Variants in COPS4 observed in about 807,000 individuals in gnomAD.
COPS4 encodes COP9 signalosome complex subunit 4.
Under a neutral mutation model 55.1 loss-of-function variants are expected in COPS4, and 8 were observed. The ratio of observed to expected loss-of-function variants is 0.15; its 90% CI spans 0.09 to 0.26. COPS4 has a LOEUF of 0.26. Ranked by LOEUF, COPS4 falls within the 10% of genes least tolerant of loss-of-function variation. The probability of loss-of-function intolerance (pLI) is 1.00; values close to 1 mark genes in which losing one functional copy is unlikely to be tolerated. For synonymous variants in COPS4, 185 were observed against 165.7 expected (o/e 1.12, Z -0.90); for missense variants, 248 against 484.0 (o/e 0.51, Z 4.58).
intron 1 of COPS4, among the ~76,000 whole-genome samples, chr4:83,042,149 G>A (rs890729803): frequency 2.0e-5 from 3 of 152,192 alleles, no homozygotes; most frequent in Non-Finnish European, 4.4e-5. Context: ...ACAGGCGTGA[G>A]CCACCGCACC....
chr4:83,072,517 T>C (rs1256969966), intron 9 of COPS4, among the ~76,000 whole-genome samples: 4 of 152,254 alleles, frequency 2.6e-5, no homozygotes, highest in Non-Finnish European at 5.9e-5. Context: ...ATTTCCTGTA[T>C]TGATTAGGAA....
chr4:83,070,654 C>G (rs1446931760), intron 9 of COPS4, among the ~76,000 whole-genome samples: 1 of 152,152 alleles, frequency 6.6e-6, no homozygotes, highest in Non-Finnish European at 1.5e-5. Flanking sequence ...CTGAACCCTA[C>G]TATTATAACC....
At chr4:83,054,028 G>A (rs1478232935) in intron 4 of COPS4, among the ~76,000 whole-genome samples, 4 of 151,938 alleles carry the variant, frequency 2.6e-5, no homozygotes, top group African/African-American at 4.8e-5. Flanking sequence ...AGTATAAAAC[G>A]GTACCAACTG....
Position 83,066,515 on chromosome 4 carries a change from G to A in COPS4, c.964G>A (p.Glu322Lys), listed in dbSNP as rs141885793. 10 of 1,596,610 alleles carry A rather than the reference G, an allele frequency of 6.3e-6. No homozygotes were observed. The highest frequency in any genetic ancestry group is 1.2e-5 in the South Asian group (1 of 86,622). ...CAAATTATATAATAATATTACCTTC[G>A]AAGAACTTGGAGCTCTTTTAGAGAT... is the stretch of plus-strand genomic sequence containing the variant. ...ASKLYNNITFEELGALLEIPA... is the reference protein window; with the variant it reads ...ASKLYNNITFKELGALLEIPA... The change falls in exon 8 of 10, where the codon GAA (glutamate) becomes AAA (lysine). Residue 322 changes from glutamate (E) to lysine (K), a missense_variant. Glu to Lys is a moderately conservative substitution (Grantham distance 56). Coordinates refer to ENST00000264389, the MANE Select transcript of COPS4 (RefSeq NM_016129.3).
chr4:83,058,160 T>C lies in COPS4; in HGVS notation c.715+752T>C, dbSNP rs187996483. Among the ~76,000 whole-genome samples, 165 of 152,266 alleles carry C rather than the reference T, an allele frequency of 1.1e-3. 1 individual carries two copies. Among genetic ancestry groups the C allele is most frequent in the African/African-American group, 3.8e-3 (158 of 41,560 alleles). ...CGTGTAACAAATATTGTTTGTTCTT[T>C]TTACTGAATTTTAGCATGTAAATCA... is the stretch of plus-strand genomic sequence containing the variant. On this transcript the variant is annotated intron_variant, in intron 6 of 9. Transcript: ENST00000264389.
At chr4:83,073,120 CTCTG>C (rs1304807076) in intron 9 of COPS4, 19 of 519,352 alleles carry the variant, frequency 3.7e-5, no homozygotes, top group Non-Finnish European at 5.9e-5. Flanking sequence ...CAACCTCTAT[CTCTG>C]TCTAGTTTCA....
At chr4:83,054,445 G>T (rs145060967) in intron 4 of COPS4, among the ~76,000 whole-genome samples, 3 of 152,128 alleles carry the variant, frequency 2.0e-5, no homozygotes, top group Admixed American at 6.5e-5. Flanking sequence ...ATTAATATTT[G>T]CAATAGTGAG....
At chr4:83,073,111 A>C in intron 9 of COPS4, 1 of 500,466 alleles carries the variant, frequency 2.0e-6, no homozygotes. Context: ...AATGTTGTAC[A>C]ACCTCTATCT....
chr4:83,075,456 G>A lies in COPS4; in HGVS notation c.*26G>A. On this transcript the variant is annotated 3_prime_UTR_variant, in exon 10 of 10. Transcript: ENST00000264389. ...ATCCTTGCAGAACTTCTGTGCACAT[G>A]ACATCTTTTTCCATGTTGTGCAGAT... The A allele has an allele frequency of 6.2e-7, 1 of 1,613,110 alleles. No individual in the cohort carries two copies. The highest frequency in any genetic ancestry group is 8.5e-7 in the Non-Finnish European group (1 of 1,179,522).
At chr4:83,057,868 G>A (rs1660346534) in intron 6 of COPS4, among the ~76,000 whole-genome samples, 2 of 146,768 alleles carry the variant, frequency 1.4e-5, no homozygotes, top group African/African-American at 2.5e-5. Context: ...CTTGTAGTGA[G>A]CCGAGATCAG....
chr4:83,063,989 A>G (rs2126133483), intron 7 of COPS4, among the ~76,000 whole-genome samples: 1 of 152,300 alleles, frequency 6.6e-6, no homozygotes, highest in Admixed American at 6.5e-5. Context: ...CGTGAGCCAC[A>G]GTGCCTGGCA....
At chr4:83,073,841 C>T (rs901255501) in intron 9 of COPS4, among the ~76,000 whole-genome samples, 4 of 151,964 alleles carry the variant, frequency 2.6e-5, no homozygotes, top group African/African-American at 9.7e-5. Flanking sequence ...CCTGTAGTCC[C>T]AGCTACTTGG....
At chr4:83,048,831 G>A (rs1730786216) in intron 2 of COPS4, among the ~76,000 whole-genome samples, 1 of 151,906 alleles carries the variant, frequency 6.6e-6, no homozygotes, top group South Asian at 2.1e-4. Flanking sequence ...ATTTTTAGTA[G>A]AGACAGCGTT....
chr4:83,040,935 G>A (rs1730549152), intron 1 of COPS4, among the ~76,000 whole-genome samples: 1 of 151,320 alleles, frequency 6.6e-6, no homozygotes, highest in African/African-American at 2.4e-5. Context: ...AAGAAATTAA[G>A]AATCAACATA....
chr4:83,066,295 T>C (rs1328017351), intron 7 of COPS4, 143 bp from the exon 8 acceptor site: 2 of 467,680 alleles, frequency 4.3e-6, no homozygotes, highest in Non-Finnish European at 7.8e-6. Flanking sequence ...AACTACATCA[T>C]ATATTGGCTA....
chr4:83,040,491 A>G (rs1222184129), intron 1 of COPS4, among the ~76,000 whole-genome samples: 1 of 152,172 alleles, frequency 6.6e-6, no homozygotes, highest in African/African-American at 2.4e-5. Context: ...CTCCTTTGGC[A>G]GAATATGGAA....
intron 1 of COPS4, among the ~76,000 whole-genome samples, chr4:83,037,470 T>C: frequency 6.6e-6 from 1 of 152,358 alleles, no homozygotes; most frequent in East Asian, 1.9e-4. Flanking sequence ...GCTTGATAAC[T>C]GATAGCCAGT....
At chr4:83,037,699 G>GT (rs1011970322) in intron 1 of COPS4, among the ~76,000 whole-genome samples, 11 of 151,558 alleles carry the variant, frequency 7.3e-5, no homozygotes, top group South Asian at 2.1e-4. Context: ...GTTTTTGGGT[G>GT]TTTTTTTTAG....
intron 9 of COPS4, among the ~76,000 whole-genome samples, chr4:83,071,724 T>C (rs1578723780): frequency 6.6e-6 from 1 of 152,040 alleles, no homozygotes; most frequent in East Asian, 1.9e-4. Flanking sequence ...TGGCTTTTTT[T>C]TTTTTGAGAT....
Sources: allele counts gnomAD v4.1 joint callset (sites outside exome capture counted in the v4.1 genomes callset), GRCh38; gene constraint gnomAD v4.1.1; transcripts MANE v1.5; gene names NCBI Gene and HGNC (gene_info 2026-07-23, HGNC 2026-07-21).